SPSB1: variants seen among roughly 807,000 people sequenced by gnomAD.
SPSB1 encodes splA/ryanodine receptor domain and SOCS box containing 1.
SPSB1 carries 8 observed loss-of-function variants against 21.2 expected under a neutral mutation model. The observed-to-expected ratio is 0.38, with a 90% CI of 0.22 to 0.68. The LOEUF (loss-of-function observed/expected upper bound fraction) is 0.68, where lower values mean the gene tolerates loss of function less well. SPSB1 is among the 30% of genes least tolerant of loss of function. The probability of loss-of-function intolerance (pLI) is 0.53; values close to 1 mark genes in which losing one functional copy is unlikely to be tolerated. For missense variants in SPSB1, 242 were observed against 377.8 expected (o/e 0.64, Z 2.98); for synonymous variants, 169 against 161.7 (o/e 1.05, Z -0.34).
At chr1:9,320,846 C>T (rs573853296) in intron 1 of SPSB1, among the ~76,000 whole-genome samples, 132 of 152,144 alleles carry the variant, frequency 8.7e-4, no homozygotes, top group Admixed American at 2.7e-3. Context: ...CAACGTCCTG[C>T]GCCGGGTTTA....
intron 1 of SPSB1, among the ~76,000 whole-genome samples, chr1:9,301,400 T>A (rs1639327421): frequency 6.6e-6 from 1 of 152,000 alleles, no homozygotes; most frequent in Admixed American, 6.6e-5. Flanking sequence ...CTTGGGAGGC[T>A]GAGGTGGGAG....
Position 9,313,856 on chromosome 1 carries a change from A to T in SPSB1, c.-150+20785A>T, listed in dbSNP as rs529645498. Among the ~76,000 whole-genome samples, 3 of 152,312 alleles carry T rather than the reference A, an allele frequency of 2.0e-5. No homozygotes were observed. In the South Asian group the frequency reaches 6.2e-4, roughly 32 times the overall value. On this transcript the variant is annotated intron_variant, in intron 1 of 2. Transcript: ENST00000328089. Reference sequence around the variant, plus strand: ...GAGGCGAGATGGCTGGGGATCTCGAATCTCCTGCTTTTCCCTATAGGAGTG... The same window carrying T: ...GAGGCGAGATGGCTGGGGATCTCGATTCTCCTGCTTTTCCCTATAGGAGTG...
At chr1:9,308,994 C>T (rs12044214) in intron 1 of SPSB1, among the ~76,000 whole-genome samples, 68,754 of 151,548 alleles carry the variant, frequency 0.45, 17,131 homozygotes, top group Non-Finnish European at 0.57. Flanking sequence ...ACCAGGCCTG[C>T]GTGGGTACAG....
chr1:9,296,150 T>A (rs1179344047), intron 1 of SPSB1, among the ~76,000 whole-genome samples: 2 of 152,196 alleles, frequency 1.3e-5, no homozygotes, highest in Non-Finnish European at 2.9e-5. Flanking sequence ...ATCCTAAGCA[T>A]AATAATAGCG....
rs1640174995 is a variant in SPSB1, at chr1:9,346,969, T to C, written c.-149-8774T>C. On this transcript the variant is annotated intron_variant, in intron 1 of 2. Transcript: ENST00000328089. The surrounding 1 kb of genome is among the most constrained non-coding windows in gnomAD (Gnocchi z 4.4). ...GGGATAGATCACTGTAGAAATAATG[T>C]CCCTCTTCGGGATGGCCCCAAAGCT... is the stretch of plus-strand genomic sequence containing the variant. Among the ~76,000 whole-genome samples, 1 of 152,222 alleles carries C rather than the reference T, an allele frequency of 6.6e-6. No homozygotes were observed. The highest frequency in any genetic ancestry group is 1.5e-5 in the Non-Finnish European group (1 of 68,032).
intron 1 of SPSB1, among the ~76,000 whole-genome samples, chr1:9,315,627 C>T (rs974260020): frequency 1.3e-5 from 2 of 152,340 alleles, no homozygotes; most frequent in African/African-American, 4.8e-5. Context: ...GGCCTGATGC[C>T]AGTGACCTTG....
In SPSB1 at chr1:9,356,996, G is replaced by C. The variant is rs531033325; in HGVS notation, c.694+411G>C. 6.6e-6 allele frequency among the ~76,000 whole-genome samples: 1 copy of C among 152,146 alleles called. No homozygotes were observed. Among genetic ancestry groups the C allele is most frequent in the Non-Finnish European group, 1.5e-5 (1 of 68,012 alleles). ...GATGTGGGTGGATGGGTGGGTAGGG[G>C]GTGGATGAGTGTTTAGATTGATGGA... On this transcript the variant is annotated intron_variant, in intron 2 of 2. Coordinates refer to ENST00000328089, the MANE Select transcript of SPSB1 (RefSeq NM_025106.4). This position sits in a 1 kb window ranked among gnomAD's most constrained non-coding sequence, Gnocchi z 7.4.
chr1:9,294,248 T>G (rs950803883), intron 1 of SPSB1, among the ~76,000 whole-genome samples: 1 of 144,380 alleles, frequency 6.9e-6, no homozygotes, highest in Non-Finnish European at 1.5e-5. Context: ...TTGTGTCTCT[T>G]TGTGTGTCCA....
intron 1 of SPSB1, among the ~76,000 whole-genome samples, chr1:9,330,138 C>T (rs1482149040): frequency 6.6e-6 from 1 of 152,130 alleles, no homozygotes; most frequent in African/African-American, 2.4e-5. Context: ...GCTTGCTCAT[C>T]GAGAAGAATC....
chr1:9,295,070 T>C (rs1032392979), intron 1 of SPSB1, among the ~76,000 whole-genome samples: 1 of 152,208 alleles, frequency 6.6e-6, no homozygotes, highest in Non-Finnish European at 1.5e-5. Flanking sequence ...ACTGAGGTCA[T>C]GGGCCAGGCA....
At chr1:9,330,945 T>TA (rs1639907661) in intron 1 of SPSB1, among the ~76,000 whole-genome samples, 1 of 150,672 alleles carries the variant, frequency 6.6e-6, no homozygotes. Flanking sequence ...CTTTTTTTTT[T>TA]ACATACTTAA....
chr1:9,346,926 A>C lies in SPSB1; in HGVS notation c.-149-8817A>C, dbSNP rs945144280. On this transcript the variant is annotated intron_variant, in intron 1 of 2. Coordinates refer to ENST00000328089, the MANE Select transcript of SPSB1 (RefSeq NM_025106.4). The surrounding 1 kb of genome is among the most constrained non-coding windows in gnomAD (Gnocchi z 4.4). ...TAATTAAAATCTGTAATTTTGAAAC[A>C]GTATAATCGGAAGTCTTGGGATAGA... 3.3e-4 allele frequency among the ~76,000 whole-genome samples: 50 copies of C among 152,356 alleles called. No homozygotes were observed. The highest frequency in any genetic ancestry group is 1.1e-3 in the African/African-American group (46 of 41,568).
At chr1:9,337,566 C>A (rs149056214) in intron 1 of SPSB1, among the ~76,000 whole-genome samples, 1 of 152,202 alleles carries the variant, frequency 6.6e-6, no homozygotes, top group Non-Finnish European at 1.5e-5. Context: ...CAGCCCTCTG[C>A]GGGCTTTTCT....
At chr1:9,301,611 AC>A (rs1277464975) in intron 1 of SPSB1, among the ~76,000 whole-genome samples, 4 of 152,138 alleles carry the variant, frequency 2.6e-5, no homozygotes, top group Admixed American at 2.0e-4. Flanking sequence ...GGGTAGGATG[AC>A]CTAGGTGGAT....
chr1:9,307,056 T>C (rs938872175), intron 1 of SPSB1, among the ~76,000 whole-genome samples: 3 of 151,826 alleles, frequency 2.0e-5, no homozygotes, highest in Non-Finnish European at 1.5e-5. Context: ...GCCTCCTGGG[T>C]AGCTGGGATT....
Position 9,369,041 on chromosome 1 carries a change from TATAC to T in SPSB1, c.*1474_*1477del, listed in dbSNP as rs565658026. The T allele has an allele frequency of 3.4e-3, 520 of 152,692 alleles. 2 individuals carry two copies. Among genetic ancestry groups the T allele is most frequent in the African/African-American group, 0.012 (479 of 41,530 alleles). 9.5% of individuals were successfully genotyped at this position (152,692 alleles called of 1,614,324 possible). A position where few individuals can be genotyped will look rare whatever the true frequency, so the allele number is the denominator to read the frequency against. On this transcript the variant is annotated 3_prime_UTR_variant, in exon 3 of 3. Transcript: ENST00000328089. Reference sequence around the variant, plus strand: ...TTATTTGTTTAAAATGTTTAATATATATACATACATATATATATATTTGTCTGTA... The same window carrying T: ...TTATTTGTTTAAAATGTTTAATATATATACATATATATATATTTGTCTGTA...
At chr1:9,365,936 G>A (rs1640561879) in intron 2 of SPSB1, among the ~76,000 whole-genome samples, 2 of 152,340 alleles carry the variant, frequency 1.3e-5, no homozygotes, top group East Asian at 1.9e-4. Flanking sequence ...TCAGGAAAGA[G>A]AGCAAAGAGG....
chr1:9,348,224 C>T lies in SPSB1; in HGVS notation c.-149-7519C>T, dbSNP rs60402136. On this transcript the variant is annotated intron_variant, in intron 1 of 2. Coordinates refer to ENST00000328089, the MANE Select transcript of SPSB1 (RefSeq NM_025106.4). This position sits in a 1 kb window ranked among gnomAD's most constrained non-coding sequence, Gnocchi z 4.8. ...CCTCTCAAAGTGCTGGGATTACAGG[C>T]GTGAGCCACCGCGGCAACTTTTTTT... Among the ~76,000 whole-genome samples, 2 of 151,948 alleles carry T rather than the reference C, an allele frequency of 1.3e-5. No individual in the cohort carries two copies. The highest frequency in any genetic ancestry group is 2.9e-5 in the Non-Finnish European group (2 of 67,948).
Position 9,292,939 on chromosome 1 carries a change from C to T in SPSB1, c.-282C>T. 4.4e-6 allele frequency: 4 copies of T among 902,624 alleles called. No individual in the cohort carries two copies. Among genetic ancestry groups the T allele is most frequent in the Non-Finnish European group, 5.0e-6 (4 of 798,412 alleles). 55.9% of individuals were successfully genotyped at this position (902,624 alleles called of 1,614,324 possible). On this transcript the variant is annotated 5_prime_UTR_variant, in exon 1 of 3. Coordinates refer to ENST00000328089, the MANE Select transcript of SPSB1 (RefSeq NM_025106.4). Reference sequence around the variant, plus strand: ...CAGCCTGCGCGCTCGCAGCAGGAACCAGGCTCCAGGCGCCGGCGCCGGGGC... The same window carrying T: ...CAGCCTGCGCGCTCGCAGCAGGAACTAGGCTCCAGGCGCCGGCGCCGGGGC...
Sources: gnomAD v4.1 joint callset for allele counts (sites outside exome capture counted in the v4.1 genomes callset) on GRCh38, gnomAD v4.1.1 for gene constraint, Gnocchi (gnomAD v3.1) non-coding constraint, MANE v1.5 for transcripts, NCBI Gene and HGNC (gene_info 2026-07-23, HGNC 2026-07-21) for gene names.